The following TTC28 variants were observed in gnomAD, a reference collection of about 807,000 sequenced individuals.
TTC28 encodes tetratricopeptide repeat protein 28.
Under a neutral mutation model 198.0 loss-of-function variants are expected in TTC28, and 61 were observed. That is an observed-to-expected ratio of 0.31 (90% CI 0.25 to 0.38). The LOEUF is 0.38. Among genes scored for constraint, TTC28 ranks in the 10% least tolerant of loss-of-function variants. The pLI, the probability that TTC28 is intolerant of heterozygous loss-of-function variation, is 1.00. For synonymous variants in TTC28, 1,171 were observed against 1,297.8 expected, an observed-to-expected ratio of 0.90 and a Z score of 2.10; for missense variants, 2,678 against 3,164.0, an observed-to-expected ratio of 0.85 and a Z score of 3.69.
intron 11 of TTC28, among the ~76,000 whole-genome samples, chr22:28,095,421 T>A (rs1374633518): frequency 2.0e-5 from 3 of 152,054 alleles, no homozygotes; most frequent in African/African-American, 4.8e-5. Flanking sequence ...GAAAATCTTG[T>A]CAATTCTCGC....
intron 5 of TTC28, among the ~76,000 whole-genome samples, chr22:28,269,779 T>C (rs1027322456): frequency 1.3e-5 from 2 of 152,166 alleles, no homozygotes; most frequent in African/African-American, 4.8e-5. Flanking sequence ...TGCTGATAAC[T>C]GGGATAACCA....
chr22:28,164,906 T>C (rs1249061687), intron 5 of TTC28, among the ~76,000 whole-genome samples: 5 of 152,000 alleles, frequency 3.3e-5, no homozygotes. Flanking sequence ...TTCGAACCCA[T>C]GGCAAAGAAG....
intron 19 of TTC28, among the ~76,000 whole-genome samples, chr22:27,992,009 GGTGGGCTGGC>G (rs1937430800): frequency 6.6e-6 from 1 of 151,582 alleles, no homozygotes; most frequent in Non-Finnish European, 1.5e-5. Context: ...CAGCCATCCT[GGTGGGCTGGC>G]CCCACACCTG....
chr22:27,992,376 G>A (rs930383949), intron 19 of TTC28: 13 of 588,320 alleles, frequency 2.2e-5, no homozygotes, highest in South Asian at 4.0e-5. Context: ...CCGCTGGCAC[G>A]GATGCCTTGG....
chr22:28,324,737 T>C (rs1020737679), intron 2 of TTC28, among the ~76,000 whole-genome samples: 6 of 152,130 alleles, frequency 3.9e-5, no homozygotes, highest in Non-Finnish European at 8.8e-5. Context: ...ATGGAACGTA[T>C]CTAAAAATAA....
rs559188176 is a variant in TTC28 at position 28,647,368 on chromosome 22, G to A, written c.103-17538C>T. ...AGACCCCAGAAGCAAAAGCAACAAAGACAAAAATAAATAAATAGGACTTAA... is the reference window on the plus strand; with the variant it reads ...AGACCCCAGAAGCAAAAGCAACAAAAACAAAAATAAATAAATAGGACTTAA... On this transcript the variant is annotated intron_variant, in intron 1 of 22. Transcript: ENST00000397906. 4.9e-4 allele frequency among the ~76,000 whole-genome samples: 75 copies of A among 152,072 alleles called. No individual in the cohort carries two copies. The Middle Eastern group carries it at 0.014, about 28-fold the overall frequency.
chr22:28,601,351 CCCTCCATAT>C (rs1308189188), intron 2 of TTC28, among the ~76,000 whole-genome samples: 3 of 152,048 alleles, frequency 2.0e-5, no homozygotes, highest in Admixed American at 2.0e-4. Flanking sequence ...CATACAGTAG[CCCTCCATAT>C]CCATGGGTTC....
At chr22:28,078,958 G>A (rs919392234) in intron 12 of TTC28, among the ~76,000 whole-genome samples, 1 of 152,174 alleles carries the variant, frequency 6.6e-6, no homozygotes, top group Non-Finnish European at 1.5e-5. Context: ...TGTAAACTAG[G>A]AGGTGAAAGG....
chr22:28,645,166 G>A (rs141015069), intron 1 of TTC28, among the ~76,000 whole-genome samples: 19 of 151,692 alleles, frequency 1.3e-4, no homozygotes, highest in African/African-American at 3.4e-4. Context: ...GCTCCAGTTC[G>A]TGCTGGGCAA....
intron 2 of TTC28, among the ~76,000 whole-genome samples, chr22:28,599,800 TC>T (rs1463732893): frequency 6.6e-6 from 1 of 152,198 alleles, no homozygotes; most frequent in Non-Finnish European, 1.5e-5. Flanking sequence ...AGGTTAAAAG[TC>T]ATTTGTTCCC....
At position 28,637,986 on chromosome 22, in the gene TTC28, G is replaced by T. The variant is rs553218427; in HGVS notation, c.103-8156C>A. 2.3e-4 allele frequency among the ~76,000 whole-genome samples: 35 copies of T among 152,182 alleles called. 1 individual carries two copies. The Middle Eastern group carries it at 0.014, about 59-fold the overall frequency. ...AAAATAATTGTTTAATTATAAAAAG[G>T]TGAATTCATTAAGAGGGTTTAATTA... On this transcript the variant is annotated intron_variant, in intron 1 of 22. Coordinates refer to ENST00000397906, the MANE Select transcript of TTC28 (RefSeq NM_001145418.2).
intron 2 of TTC28, among the ~76,000 whole-genome samples, chr22:28,335,124 T>A (rs866587958): frequency 1.3e-5 from 2 of 152,218 alleles, no homozygotes; most frequent in East Asian, 3.8e-4. Context: ...CCTTTCCCCA[T>A]TGCTTGTTTT....
chr22:28,486,308 G>C (rs2048314323), intron 2 of TTC28, among the ~76,000 whole-genome samples: 1 of 152,004 alleles, frequency 6.6e-6, no homozygotes, highest in Non-Finnish European at 1.5e-5. Flanking sequence ...TATAATAAAA[G>C]GACTATAATC....
At chr22:28,439,610 T>C (rs1469032410) in intron 2 of TTC28, among the ~76,000 whole-genome samples, 1 of 152,180 alleles carries the variant, frequency 6.6e-6, no homozygotes, top group African/African-American at 2.4e-5. Flanking sequence ...TTTGCTTATA[T>C]GTAAAATACA....
intron 2 of TTC28, among the ~76,000 whole-genome samples, chr22:28,355,901 T>C (rs1165636743): frequency 1.3e-5 from 2 of 152,208 alleles, no homozygotes; most frequent in Non-Finnish European, 2.9e-5. Flanking sequence ...GGGGAGAAGA[T>C]AGCCAAATAT....
intron 12 of TTC28, among the ~76,000 whole-genome samples, chr22:28,083,877 C>T (rs1408065823): frequency 6.6e-6 from 1 of 152,246 alleles, no homozygotes; most frequent in African/African-American, 2.4e-5. Context: ...CCGCACCTGG[C>T]TCAGAGGGTC....
intron 2 of TTC28, among the ~76,000 whole-genome samples, chr22:28,554,307 C>T (rs2049752359): frequency 6.6e-6 from 1 of 151,020 alleles, no homozygotes; most frequent in African/African-American, 2.4e-5. Context: ...CTGACCTTCC[C>T]TCCACTATTG....
chr22:28,167,346 C>G (rs1326839008), intron 5 of TTC28, among the ~76,000 whole-genome samples: 1 of 152,192 alleles, frequency 6.6e-6, no homozygotes, highest in Non-Finnish European at 1.5e-5. Context: ...ATCCTGATAC[C>G]AAAGCCTGGC....
intron 5 of TTC28, among the ~76,000 whole-genome samples, chr22:28,272,146 T>A (rs1269850376): frequency 6.6e-6 from 1 of 152,198 alleles, no homozygotes; most frequent in Non-Finnish European, 1.5e-5. Flanking sequence ...AAAACAAACC[T>A]TAGAGTCTTG....
Sources: gnomAD v4.1 joint callset for allele counts (sites outside exome capture counted in the v4.1 genomes callset) on GRCh38, gnomAD v4.1.1 for gene constraint, MANE v1.5 for transcripts, NCBI Gene and HGNC (gene_info 2026-07-23, HGNC 2026-07-21) for gene names.